PTBP2: variants seen among roughly 807,000 people sequenced by gnomAD.
PTBP2 encodes the protein polypyrimidine tract-binding protein 2.
In PTBP2, 13 loss-of-function variants were observed where a neutral mutation model predicts 61.4. The observed-to-expected ratio is 0.21, with a 90% confidence interval of 0.14 to 0.34. The LOEUF is 0.34. Ranked by LOEUF, PTBP2 falls within the 10% of genes least tolerant of loss-of-function variation. The probability of loss-of-function intolerance (pLI) is 1.00; values close to 1 mark genes in which losing one functional copy is unlikely to be tolerated. For missense variants in PTBP2, 405 were observed against 642.6 expected (o/e 0.63, Z 4.00); for synonymous variants, 215 against 218.5 (o/e 0.98, Z 0.14).
chr1:96,754,927 G>A (rs900158956), intron 3 of PTBP2, among the ~76,000 whole-genome samples: 7 of 151,684 alleles, frequency 4.6e-5, no homozygotes, highest in East Asian at 1.9e-4. Flanking sequence ...GAAAATCTTC[G>A]TGACTTTGGA....
chr1:96,815,004 A>G lies in PTBP2; in HGVS notation c.*1599A>G, dbSNP rs1472655869. ...GTGGGAAAGGAGTAATAATATTACA[A>G]TTCTATGGCTTTATACCATAAATAA... On this transcript the variant is annotated 3_prime_UTR_variant, in exon 14 of 14. Coordinates refer to ENST00000674951, the MANE Select transcript of PTBP2 (RefSeq NM_021190.4). The G allele has an allele frequency of 2.6e-5, 4 of 152,508 alleles. No homozygotes were observed. Among genetic ancestry groups the G allele is most frequent in the South Asian group, 2.1e-4 (1 of 4,824 alleles). The allele number at this position is 152,508 out of a possible 1,614,324, so 9.4% of individuals were successfully genotyped here.
At chr1:96,748,927 C>T (rs1404095629) in intron 2 of PTBP2, among the ~76,000 whole-genome samples, 1 of 152,094 alleles carries the variant, frequency 6.6e-6, no homozygotes, top group Non-Finnish European at 1.5e-5. Flanking sequence ...CAAAGACAGG[C>T]ATAATTGCTT....
chr1:96,741,824 A>G (rs1275626325), intron 2 of PTBP2, among the ~76,000 whole-genome samples: 1 of 152,110 alleles, frequency 6.6e-6, no homozygotes, highest in Non-Finnish European at 1.5e-5. Flanking sequence ...TTCTATATGG[A>G]TAGCAAGCTT....
rs961481838 is a variant in PTBP2 at position 96,763,153 on chromosome 1, G to A, written c.116-6550G>A. 1.4e-4 allele frequency among the ~76,000 whole-genome samples: 22 copies of A among 152,234 alleles called. 1 individual carries two copies. Among genetic ancestry groups the A allele is most frequent in the South Asian group, 4.1e-4 (2 of 4,828 alleles). On this transcript the variant is annotated intron_variant, in intron 3 of 13. Coordinates refer to ENST00000674951, the MANE Select transcript of PTBP2 (RefSeq NM_021190.4). ...AGACGATGGGCGGCCAGGCAGAGAC[G>A]CTCCTCACTTCCCAAACGGGGTGGC...
At chr1:96,766,695 A>ATGATAT (rs1656761752) in intron 3 of PTBP2, among the ~76,000 whole-genome samples, 1 of 152,180 alleles carries the variant, frequency 6.6e-6, no homozygotes, top group Non-Finnish European at 1.5e-5. Context: ...TTTGGCACTA[A>ATGATAT]GATATGAATA....
chr1:96,791,826 C>CTTTTTTTTGTATTTTTTTTT (rs1482989030), intron 8 of PTBP2, among the ~76,000 whole-genome samples: 1 of 66,128 alleles, frequency 1.5e-5, no homozygotes, highest in African/African-American at 8.2e-5. Context: ...TGGAGTTGTG[C>CTTTTTTTTGTATTTTTTTTT]TTTTTTTTTT....
chr1:96,801,461 G>A (rs1023614715), intron 8 of PTBP2, among the ~76,000 whole-genome samples: 6 of 152,070 alleles, frequency 3.9e-5, no homozygotes, highest in African/African-American at 1.2e-4. Flanking sequence ...TACTTTTCAC[G>A]GTAATACTAA....
intron 3 of PTBP2, among the ~76,000 whole-genome samples, chr1:96,757,733 A>G (rs1399792893): frequency 1.3e-5 from 2 of 152,168 alleles, no homozygotes; most frequent in Non-Finnish European, 2.9e-5. Flanking sequence ...AATGTATCTG[A>G]CTGACTATAG....
At chr1:96,747,303 T>C (rs1455212515) in intron 2 of PTBP2, among the ~76,000 whole-genome samples, 1 of 152,206 alleles carries the variant, frequency 6.6e-6, no homozygotes. Context: ...AGTTTTTAGC[T>C]TTTCAACTGT....
chr1:96,749,324 C>T (rs967830675), intron 2 of PTBP2, among the ~76,000 whole-genome samples: 6 of 152,026 alleles, frequency 3.9e-5, no homozygotes, highest in Admixed American at 1.3e-4. Flanking sequence ...TTTGAATTCA[C>T]AAATAGTCAA....
chr1:96,813,174 G>T, intron 13 of PTBP2, 68 bp downstream of exon 13: 1 of 1,540,948 alleles, frequency 6.5e-7, no homozygotes, highest in South Asian at 1.2e-5. Context: ...TGTTCTTTTC[G>T]TTTATAGAAA....
Position 96,813,107 on chromosome 1 carries a change from G to C in PTBP2, c.1466+1G>C, listed in dbSNP as rs778449001. On this transcript the variant is annotated splice_donor_variant, in intron 13 of 13. Coordinates refer to ENST00000674951, the MANE Select transcript of PTBP2 (RefSeq NM_021190.4). LOFTEE classifies it high-confidence loss of function. ...CTGTGAAAGCATTTAAGTTTTTTCA[G>C]TAAGCAAGCTTCCTTATCTTTAAAT... The C allele has an allele frequency of 6.2e-7, 1 of 1,607,146 alleles. No individual in the cohort carries two copies. Among genetic ancestry groups the C allele is most frequent in the Non-Finnish European group, 8.5e-7 (1 of 1,175,404 alleles).
Position 96,741,309 on chromosome 1 carries a change from T to G in PTBP2, c.40-10116T>G, listed in dbSNP as rs190527984. ...CAGAGTCTCACTGTGTCATCCAGGC[T>G]GGAGTGCAGTGGCTCGGTCACAGTC... On this transcript the variant is annotated intron_variant, in intron 2 of 13. Coordinates refer to ENST00000674951, the MANE Select transcript of PTBP2 (RefSeq NM_021190.4). Among the ~76,000 whole-genome samples, 184 of 152,286 alleles carry G rather than the reference T, an allele frequency of 1.2e-3. 1 individual carries two copies. The highest frequency in any genetic ancestry group is 3.4e-3 in the Middle Eastern group (1 of 294).
intron 3 of PTBP2, among the ~76,000 whole-genome samples, chr1:96,763,578 G>T (rs576595303): frequency 1.4e-5 from 2 of 141,152 alleles, no homozygotes; most frequent in East Asian, 4.4e-4. Context: ...GAAAGAGAGG[G>T]AGAGGGAGAC....
At chr1:96,734,809 C>G (rs1351691670) in intron 2 of PTBP2, among the ~76,000 whole-genome samples, 1 of 150,248 alleles carries the variant, frequency 6.7e-6, no homozygotes, top group Admixed American at 6.6e-5. Flanking sequence ...TCTGACTTTT[C>G]GTGTATGTCA....
At chr1:96,793,950 C>T (rs1024320633) in intron 8 of PTBP2, among the ~76,000 whole-genome samples, 6 of 152,100 alleles carry the variant, frequency 3.9e-5, no homozygotes, top group Non-Finnish European at 8.8e-5. Flanking sequence ...ATGAAATAAG[C>T]TTATTACTAT....
Position 96,730,635 on chromosome 1 carries a change from G to A in PTBP2, c.39+7041G>A, listed in dbSNP as rs534229587. Among the ~76,000 whole-genome samples the A allele has an allele frequency of 8.5e-5, 13 of 152,276 alleles. 1 individual carries two copies. The South Asian group carries it at 1.4e-3, about 17-fold the overall frequency. On this transcript the variant is annotated intron_variant, in intron 2 of 13. Coordinates refer to ENST00000674951, the MANE Select transcript of PTBP2 (RefSeq NM_021190.4). ...ATATATATGTTGTTAAGTATTCACTGAATACTCTGATGATTCTCTGCAGAT... is the reference window on the plus strand; with the variant it reads ...ATATATATGTTGTTAAGTATTCACTAAATACTCTGATGATTCTCTGCAGAT...
chr1:96,804,098 T>A (rs1055190153), intron 8 of PTBP2, among the ~76,000 whole-genome samples: 1 of 152,124 alleles, frequency 6.6e-6, no homozygotes, highest in Non-Finnish European at 1.5e-5. Context: ...AAGGAAATGA[T>A]AACATAGATT....
intron 13 of PTBP2, 62 bp downstream of exon 13, chr1:96,813,168 C>T: frequency 3.9e-6 from 6 of 1,544,946 alleles, no homozygotes; most frequent in Non-Finnish European, 3.5e-6. Flanking sequence ...AGTTTTTGTT[C>T]TTTTCGTTTA....
Sources: gnomAD v4.1 joint callset for allele counts (sites outside exome capture counted in the v4.1 genomes callset) on GRCh38, gnomAD v4.1.1 for gene constraint, MANE v1.5 for transcripts, NCBI Gene and HGNC (gene_info 2026-07-23, HGNC 2026-07-21) for gene names.